MX1: variants seen among roughly 807,000 people sequenced by gnomAD.
MX1 encodes the protein MX dynamin like GTPase 1.
MX1 carries 66 observed loss-of-function variants against 66.4 expected under a neutral mutation model. The ratio of observed to expected loss-of-function variants is 0.99; its 90% CI spans 0.82 to 1.22. The LOEUF (loss-of-function observed/expected upper bound fraction) is 1.22. MX1 is among the 50% of genes most tolerant of loss of function. The pLI, the probability that MX1 is intolerant of heterozygous loss-of-function variation, is 0.00. For synonymous variants in MX1, 311 were observed against 318.1 expected, an observed-to-expected ratio of 0.98 and a Z score of 0.24; for missense variants, 787 against 834.3, an observed-to-expected ratio of 0.94 and a Z score of 0.70.
chr21:41,428,889 C>A (rs2090137481), intron 3 of MX1: 1 of 152,240 alleles, frequency 6.6e-6, no homozygotes, highest in South Asian at 2.1e-4. Context: ...CAAACCTGCC[C>A]TGGGCAGGGA....
chr21:41,456,062 C>T lies in MX1; in HGVS notation c.1759-2466C>T, dbSNP rs375840589. 1.1e-4 allele frequency among the ~76,000 whole-genome samples: 16 copies of T among 152,044 alleles called. No individual in the cohort carries two copies. The South Asian group carries it at 1.2e-3, about 12-fold the overall frequency. On this transcript the variant is annotated intron_variant, in intron 16 of 16. Transcript: ENST00000398598. The stretch of plus-strand genomic sequence containing the variant: ...TTTGAGACCAGCCTGGCCAACATGG[C>T]GAAACCCGGTCTCTACTAAAAATAC...
intron 15 of MX1, among the ~76,000 whole-genome samples, chr21:41,451,856 C>A (rs141480658): frequency 0.28 from 20,856 of 75,174 alleles, 2,408 homozygotes; most frequent in African/African-American, 0.44. Context: ...AAAAAACAAA[C>A]AAAAAAACTT....
chr21:41,449,604 C>G lies in MX1; in HGVS notation c.1432+309C>G, dbSNP rs141111436. The stretch of plus-strand genomic sequence containing the variant: ...GACTGTTTATAAATCAAGGTTCTTG[C>G]GACCCATTCCTCAGGTCAACCAAGA... On this transcript the variant is annotated intron_variant, in intron 14 of 16. Coordinates refer to ENST00000398598, the MANE Select transcript of MX1 (RefSeq NM_002462.5). The G allele has an allele frequency of 5.9e-3, 1,394 of 234,744 alleles. 55 individuals carry two copies. The East Asian group carries it at 0.092, about 16-fold the overall frequency. 14.5% of individuals were successfully genotyped at this position (234,744 alleles called of 1,614,324 possible).
At position 41,449,230 on chromosome 21, in the gene MX1, CA is replaced by C. The variant is rs1276924937; in HGVS notation, c.1369del (p.Ile457SerfsTer2). 6.2e-7 allele frequency: 1 copy of C among 1,613,922 alleles called. No individual in the cohort carries two copies. The highest frequency in any genetic ancestry group is 1.7e-5 in the Admixed American group (1 of 60,002). On this transcript the variant is annotated frameshift_variant, in exon 14 of 17. Coordinates refer to ENST00000398598, the MANE Select transcript of MX1 (RefSeq NM_002462.5). LOFTEE classifies it high-confidence loss of function. ...TTTGTGAATTACAGGACATTTGAGACAATCGTGAAACAGCAAATCAAGGCAC... is the reference window on the plus strand; with the variant it reads ...TTTGTGAATTACAGGACATTTGAGACATCGTGAAACAGCAAATCAAGGCAC... Reference protein sequence around the residue: ...PGFVNYRTFETIVKQQIKALE... With the variant: ...PGFVNYRTFEXIVKQQIKALE...
At chr21:41,451,053 A>T (rs1468501097) in intron 14 of MX1, 114 bp from the exon 15 acceptor site, 2 of 706,370 alleles carry the variant, frequency 2.8e-6, no homozygotes, top group Middle Eastern at 2.7e-4. Flanking sequence ...AGAAGAAGGG[A>T]GCGGGGAGAG....
Position 41,441,722 on chromosome 21 carries a change from T to G in MX1, c.737T>G (p.Leu246Trp). Residue 246 changes from leucine (L) to tryptophan (W), a missense_variant, in exon 10 of 17, where the codon TTG becomes TGG. Transcript: ENST00000398598. The surrounding 1 kb of genome is among the most constrained non-coding windows in gnomAD (Gnocchi z 4.0). ...DPEGDRTIGI[L>W]TKPDLVDKGT... ...AAATACATCTGGCTCGCAGGAATCT[T>G]GACGAAGCCTGATCTGGTGGACAAA... The G allele has an allele frequency of 6.2e-7, 1 of 1,614,186 alleles. No individual in the cohort carries two copies. The highest frequency in any genetic ancestry group is 2.2e-5 in the East Asian group (1 of 44,882).
intron 12 of MX1, 79 bp downstream of exon 12, chr21:41,445,649 T>G: frequency 1.3e-6 from 2 of 1,584,112 alleles, no homozygotes; most frequent in South Asian, 2.3e-5. Flanking sequence ...ATGCACTTCC[T>G]TCTTCACTCC....
chr21:41,452,481 C>A, intron 15 of MX1, 140 bp from the exon 16 acceptor site: 1 of 921,112 alleles, frequency 1.1e-6, no homozygotes. Context: ...CACCAGGGCG[C>A]GGCCCAGAGG....
intron 4 of MX1, chr21:41,431,781 A>T: frequency 2.9e-6 from 1 of 346,226 alleles, no homozygotes; most frequent in Non-Finnish European, 5.5e-6. Context: ...GCCTGGAGGG[A>T]TATTCTTGAA....
rs2090514189 is a variant in MX1 at position 41,441,608 on chromosome 21, A to G, written c.731-108A>G. The stretch of plus-strand genomic sequence containing the variant: ...TCTGCAGGGGCTATGGCCTGTCCTC[A>G]AGCAAGGATGGGAGGAAACCCTGGG... On this transcript the variant is annotated intron_variant, in intron 9 of 16. Transcript: ENST00000398598. The surrounding 1 kb of genome is among the most constrained non-coding windows in gnomAD (Gnocchi z 4.0). 1.7e-6 allele frequency: 2 copies of G among 1,179,432 alleles called. No homozygotes were observed. Among genetic ancestry groups the G allele is most frequent in the Admixed American group, 1.7e-5 (1 of 58,244 alleles). 73.1% of individuals were successfully genotyped at this position (1,179,432 alleles called of 1,614,324 possible).
rs149963526 is a variant in MX1, at chr21:41,439,773, G to A, written c.516G>A (p.Pro172=). 68 of 1,614,084 alleles carry A rather than the reference G, an allele frequency of 4.2e-5. No homozygotes were observed. The highest frequency in any genetic ancestry group is 3.6e-4 in the African/African-American group (27 of 75,002). ...ITLEISSRDV[P]DLTLIDLPGI... Reference sequence around the variant, plus strand: ...TGGAGATCAGCTCCCGAGATGTCCCGGATCTGACTCTAATAGACCTTCCTG... The same window carrying A: ...TGGAGATCAGCTCCCGAGATGTCCCAGATCTGACTCTAATAGACCTTCCTG... Residue 172 remains proline (P), a synonymous_variant, in exon 8 of 17, where the codon CCG becomes CCA. Transcript: ENST00000398598.
intron 16 of MX1, among the ~76,000 whole-genome samples, chr21:41,458,042 C>T (rs755332855): frequency 6.6e-6 from 1 of 152,210 alleles, no homozygotes; most frequent in Admixed American, 6.5e-5. Flanking sequence ...CTTGCTCTGT[C>T]GCCCAGCCTG....
chr21:41,437,659 A>C (rs770984413), intron 7 of MX1, among the ~76,000 whole-genome samples: 2 of 152,196 alleles, frequency 1.3e-5, no homozygotes, highest in Non-Finnish European at 2.9e-5. Context: ...TGTATTGCTT[A>C]TTATGTAAGT....
In MX1 at chr21:41,441,762, G is replaced by C. The variant is rs374856741; in HGVS notation, c.777G>C (p.Lys259Asn). 6.3e-5 allele frequency: 101 copies of C among 1,614,100 alleles called. No homozygotes were observed. Among genetic ancestry groups the C allele is most frequent in the Non-Finnish European group, 7.8e-5 (92 of 1,180,054 alleles). The change falls in exon 10 of 17, where the codon AAG becomes AAC. Residue 259 changes from lysine (K) to asparagine (N), a missense_variant. Transcript: ENST00000398598. The surrounding 1 kb of genome is among the most constrained non-coding windows in gnomAD (Gnocchi z 4.0). ...TGGTGGACAAAGGAACTGAAGACAA[G>C]GTTGTGGACGTGGTGCGGAACCTCG... is the stretch of plus-strand genomic sequence containing the variant. ...PDLVDKGTED[K>N]VVDVVRNLVF...
intron 8 of MX1, among the ~76,000 whole-genome samples, chr21:41,440,485 A>AAAAAC (rs537725805): frequency 6.6e-5 from 10 of 152,254 alleles, no homozygotes; most frequent in African/African-American, 2.4e-4. Flanking sequence ...TCTCAAAACA[A>AAAAAC]AAAACAAAAC....
chr21:41,437,203 G>T, intron 7 of MX1, 51 bp downstream of exon 7: 1 of 1,607,446 alleles, frequency 6.2e-7, no homozygotes, highest in Non-Finnish European at 8.5e-7. Flanking sequence ...CATGCATGGG[G>T]TCTGTTTGTA....
intron 7 of MX1, among the ~76,000 whole-genome samples, chr21:41,438,885 G>A (rs2090432553): frequency 6.6e-6 from 1 of 152,132 alleles, no homozygotes; most frequent in African/African-American, 2.4e-5. Flanking sequence ...TGTGGCCTCT[G>A]TTTCCAAGGC....
rs778821349 is a variant in MX1 at position 41,435,817 on chromosome 21, T to C, written c.106-20T>C. On this transcript the variant is annotated intron_variant, in intron 5 of 16. Coordinates refer to ENST00000398598, the MANE Select transcript of MX1 (RefSeq NM_002462.5). ...ATGATTTGCAGGCCATGAAGAATTC[T>C]CCATTTTTGTTTCCTCCAGGTGGCT... 3.1e-6 allele frequency: 5 copies of C among 1,594,070 alleles called. No homozygotes were observed. In the Admixed American group the frequency reaches 8.5e-5, roughly 27 times the overall value.
intron 16 of MX1, among the ~76,000 whole-genome samples, chr21:41,453,587 A>G (rs535765589): frequency 4.6e-5 from 7 of 152,338 alleles, no homozygotes; most frequent in Admixed American, 4.6e-4. Context: ...ACTCTGTTAA[A>G]ATATTTGAAA....
Sources: gnomAD v4.1 joint callset for allele counts (sites outside exome capture counted in the v4.1 genomes callset) on GRCh38, gnomAD v4.1.1 for gene constraint, Gnocchi (gnomAD v3.1) non-coding constraint, MANE v1.5 for transcripts, NCBI Gene and HGNC (gene_info 2026-07-23, HGNC 2026-07-21) for gene names.